FRMPD4: variants seen among roughly 807,000 people sequenced by gnomAD.
FRMPD4 encodes FERM and PDZ domain-containing protein 4.
A neutral mutation model predicts 94.1 loss-of-function variants in FRMPD4; 22 were observed. That is an observed-to-expected ratio of 0.23 (90% confidence interval 0.17 to 0.33). The LOEUF is 0.33. Among genes scored for constraint, FRMPD4 ranks in the 10% least tolerant of loss-of-function variants. FRMPD4 has a pLI of 1.00. For missense variants in FRMPD4, 1,111 were observed against 1,339.9 expected (o/e 0.83, Z 2.67); for synonymous variants, 631 against 548.6 (o/e 1.15, Z -2.10).
chrX:12,376,665 ACT>A (rs1426409366), intron 1 of FRMPD4, among the ~76,000 whole-genome samples: 7 of 112,846 alleles, frequency 6.2e-5, no homozygotes, highest in African/African-American at 2.3e-4. Flanking sequence ...ACACACACAC[ACT>A]CATTCACCTG....
At chrX:12,681,351 G>A (rs1044895638) in intron 5 of FRMPD4, among the ~76,000 whole-genome samples, 7 of 109,577 alleles carry the variant, frequency 6.4e-5, no homozygotes, top group Admixed American at 3.0e-4. Flanking sequence ...TGATTTGCTC[G>A]TTAATCATTA....
chrX:11,915,986 C>T (rs752369337), intron 3 of FRMPD4, among the ~76,000 whole-genome samples: 4 of 112,373 alleles, frequency 3.6e-5, no homozygotes, highest in Admixed American at 1.9e-4. Context: ...AGACATTTCA[C>T]AGAACATTTT....
At chrX:11,943,724 T>C (rs2054174642) in intron 3 of FRMPD4, among the ~76,000 whole-genome samples, 1 of 112,273 alleles carries the variant, frequency 8.9e-6, no homozygotes, top group African/African-American at 3.2e-5. Context: ...GAGACAATGC[T>C]ATTTATTTTT....
chrX:12,417,163 C>A (rs1259878464), intron 1 of FRMPD4, among the ~76,000 whole-genome samples: 1 of 111,625 alleles, frequency 9.0e-6, no homozygotes, highest in Non-Finnish European at 1.9e-5. Flanking sequence ...CTATAAGCTA[C>A]TTTTTGCATT....
upstream of FRMPD4, among the ~76,000 whole-genome samples, chrX:12,136,804 G>GC (rs2055601396): frequency 9.2e-6 from 1 of 109,166 alleles, no homozygotes; most frequent in Non-Finnish European, 1.9e-5. Flanking sequence ...GTTGGCCCTT[G>GC]CAGGAGCGCA....
intron 3 of FRMPD4, among the ~76,000 whole-genome samples, chrX:12,073,800 G>A (rs1453847856): frequency 1.8e-5 from 2 of 112,244 alleles, no homozygotes; most frequent in Non-Finnish European, 3.8e-5. Context: ...GAACTCCTGG[G>A]CTCAAACGAT....
rs751216612 is a variant in FRMPD4, at chrX:12,385,123, T to C, written c.42-113557T>C. Among the ~76,000 whole-genome samples the C allele has an allele frequency of 2.4e-4, 27 of 112,430 alleles. No individual in the cohort carries two copies. The South Asian group carries it at 8.9e-3, about 37-fold the overall frequency. ...TGTTTCTCATGGTATGTTTCCCAATTGTAAGTCAAGGTTTCAGAGTTATTC... is the reference window on the plus strand; with the variant it reads ...TGTTTCTCATGGTATGTTTCCCAATCGTAAGTCAAGGTTTCAGAGTTATTC... On this transcript the variant is annotated intron_variant, in intron 1 of 16. Transcript: ENST00000675598.
At chrX:12,047,141 A>G (rs1212451931) in intron 3 of FRMPD4, among the ~76,000 whole-genome samples, 1 of 109,738 alleles carries the variant, frequency 9.1e-6, no homozygotes. Flanking sequence ...GTGTTTTTAT[A>G]TATGTAATTA....
intron 3 of FRMPD4, among the ~76,000 whole-genome samples, chrX:12,036,082 C>G (rs2054718978): frequency 9.0e-6 from 1 of 111,657 alleles, no homozygotes; most frequent in African/African-American, 3.3e-5. Context: ...GATAATAGAT[C>G]CCTTTACCAT....
At chrX:12,294,312 T>C (rs923936842) in intron 1 of FRMPD4, among the ~76,000 whole-genome samples, 5 of 111,348 alleles carry the variant, frequency 4.5e-5, no homozygotes. Context: ...CAACAAAAGA[T>C]ACACACCAAA....
At chrX:12,083,385 C>T (rs2055077864) in intron 3 of FRMPD4, among the ~76,000 whole-genome samples, 1 of 112,815 alleles carries the variant, frequency 8.9e-6, no homozygotes, top group Non-Finnish European at 1.9e-5. Flanking sequence ...GGAACCTCCG[C>T]CTAGATTTCA....
At chrX:12,712,082 AT>A (rs1346827584) in intron 14 of FRMPD4, among the ~76,000 whole-genome samples, 1 of 111,357 alleles carries the variant, frequency 9.0e-6, no homozygotes. Flanking sequence ...GAGGTATCTG[AT>A]TTTTTTTAAT....
chrX:12,541,513 A>G (rs1039056883), intron 2 of FRMPD4, among the ~76,000 whole-genome samples: 1 of 112,001 alleles, frequency 8.9e-6, no homozygotes, highest in Non-Finnish European at 1.9e-5. Flanking sequence ...ATTCCTGGAC[A>G]CACACATCCT....
chrX:12,579,624 T>C (rs2058845218), intron 2 of FRMPD4, among the ~76,000 whole-genome samples: 1 of 111,953 alleles, frequency 8.9e-6, no homozygotes, highest in Non-Finnish European at 1.9e-5. Context: ...AGTAATGCTT[T>C]TCATATTTTA....
intron 1 of FRMPD4, among the ~76,000 whole-genome samples, chrX:12,269,003 GGTTT>G (rs1163680940): frequency 8.9e-6 from 1 of 111,993 alleles, no homozygotes; most frequent in East Asian, 2.8e-4. Flanking sequence ...ATATCTGGTT[GGTTT>G]GTCTCATTTC....
At chrX:12,427,374 A>G (rs914033129) in intron 1 of FRMPD4, among the ~76,000 whole-genome samples, 3 of 111,573 alleles carry the variant, frequency 2.7e-5, no homozygotes, top group South Asian at 7.5e-4. Flanking sequence ...CAGTGCATAC[A>G]TGTTCTCCTT....
intron 1 of FRMPD4, among the ~76,000 whole-genome samples, chrX:11,858,362 G>T (rs1285760657): frequency 8.9e-6 from 1 of 111,772 alleles, no homozygotes; most frequent in Non-Finnish European, 1.9e-5. Flanking sequence ...CCATGGAATA[G>T]TATGCAGCTA....
chrX:12,138,778 A>G lies in FRMPD4; in HGVS notation c.-194A>G, dbSNP rs1216282433. On this transcript the variant is annotated 5_prime_UTR_variant, in exon 1 of 17. Coordinates refer to ENST00000675598, the MANE Select transcript of FRMPD4 (RefSeq NM_001368397.1). ...TGGTCCTGCTCGGGGATGCACACGCAGCTCGCGGCCGGAGGGGGGTAGCAG... is the reference window on the plus strand; with the variant it reads ...TGGTCCTGCTCGGGGATGCACACGCGGCTCGCGGCCGGAGGGGGGTAGCAG... The G allele has an allele frequency of 1.7e-5, 6 of 362,435 alleles. No homozygotes were observed. Among genetic ancestry groups the G allele is most frequent in the Non-Finnish European group, 2.8e-5 (6 of 211,594 alleles). The allele number at this position is 362,435 out of a possible 1,213,427, so 29.9% of individuals were successfully genotyped here. A position where few individuals can be genotyped will look rare whatever the true frequency, so the allele number is the denominator to read the frequency against.
intron 5 of FRMPD4, among the ~76,000 whole-genome samples, chrX:12,678,434 C>T (rs1005022468): frequency 8.9e-6 from 1 of 112,197 alleles, no homozygotes; most frequent in South Asian, 3.7e-4. Flanking sequence ...ATAGATCTTT[C>T]ATTGGCCAGC....
Sources: allele counts gnomAD v4.1 joint callset (sites outside exome capture counted in the v4.1 genomes callset), GRCh38; gene constraint gnomAD v4.1.1; transcripts MANE v1.5; gene names NCBI Gene and HGNC (gene_info 2026-07-23, HGNC 2026-07-21).